Variants in ASNSD1 observed in about 807,000 individuals in gnomAD.
The protein encoded by ASNSD1 is asparagine synthetase domain-containing protein 1.
Under a neutral mutation model 48.3 loss-of-function variants are expected in ASNSD1, and 36 were observed. That is an observed-to-expected ratio of 0.75 (90% confidence interval 0.57 to 0.99). The LOEUF (loss-of-function observed/expected upper bound fraction) is 0.99. ASNSD1 is among the 50% of genes least tolerant of loss of function. The probability of loss-of-function intolerance (pLI) is 0.00; values close to 1 mark genes in which losing one functional copy is unlikely to be tolerated. For synonymous variants in ASNSD1, 257 were observed against 262.1 expected, an observed-to-expected ratio of 0.98 and a Z score of 0.19; for missense variants, 714 against 758.2, an observed-to-expected ratio of 0.94 and a Z score of 0.69.
Position 189,667,462 on chromosome 2 carries a change from C to G in ASNSD1, c.1330C>G (p.Arg444Gly). The G allele has an allele frequency of 6.2e-7, 1 of 1,614,080 alleles. No homozygotes were observed. Among genetic ancestry groups the G allele is most frequent in the Non-Finnish European group, 8.5e-7 (1 of 1,180,018 alleles). ...MEELQKLRRT[R>G]ICHLIRPLDT... ...AGAACTGCAGAAATTAAGAAGAACTCGAATATGTCACTTAATTCGGCCATT... is the reference window on the plus strand; with the variant it reads ...AGAACTGCAGAAATTAAGAAGAACTGGAATATGTCACTTAATTCGGCCATT... Residue 444 changes from arginine (R) to glycine (G), a missense_variant, in exon 4 of 6, where the codon CGA (arginine) becomes GGA (glycine). Transcript: ENST00000260952.
chr2:189,662,189 ATTG>A, intron 1 of ASNSD1, among the ~76,000 whole-genome samples: 1 of 152,360 alleles, frequency 6.6e-6, no homozygotes, highest in South Asian at 2.1e-4. Flanking sequence ...TAAAACACGC[ATTG>A]GGTTGTCACT....
chr2:189,665,435 GCTGTCTGAGAGCAAGAGTAAGTTTTT>G lies in ASNSD1; in HGVS notation c.-108_-93+10del. ...TCTTTCTTGCAGACCGAACAGAAATGCTGTCTGAGAGCAAGAGTAAGTTTTTTCTTTTTTGGGGTTTTTGGGGGGTG... is the reference window on the plus strand; with the variant it reads ...TCTTTCTTGCAGACCGAACAGAAATGTCTTTTTTGGGGTTTTTGGGGGGTG... On this transcript the variant is annotated splice_donor_variant and splice_donor_5th_base_variant and 5_prime_UTR_variant and intron_variant, in exon 3 of 6. Transcript: ENST00000260952. LOFTEE classifies it low-confidence loss of function (5UTR_SPLICE). 2.5e-6 allele frequency: 1 copy of G among 397,606 alleles called. No individual in the cohort carries two copies. Among genetic ancestry groups the G allele is most frequent in the Non-Finnish European group, 4.4e-6 (1 of 225,560 alleles). 24.6% of individuals were successfully genotyped at this position (397,606 alleles called of 1,614,324 possible).
At position 189,667,801 on chromosome 2, in the gene ASNSD1, C is replaced by G. The variant is rs931095252; in HGVS notation, c.1502C>G (p.Ala501Gly). Residue 501 changes from alanine to glycine, a missense_variant, in exon 5 of 6, where the codon GCA becomes GGA. Ala to Gly is a moderately conservative substitution (Grantham distance 60). Transcript: ENST00000260952. ...LTGIGADEQL[A>G]GYSRHRVRFQ... ...GGAATTGGTGCAGATGAGCAACTTG[C>G]AGGTTATTCTCGTCATCGTGTCCGC... The G allele has an allele frequency of 1.2e-6, 2 of 1,613,602 alleles. No homozygotes were observed. Among genetic ancestry groups the G allele is most frequent in the African/African-American group, 1.3e-5 (1 of 74,982 alleles).
At position 189,661,510 on chromosome 2, in the gene ASNSD1, G is replaced by C; in HGVS notation, c.-323G>C. 2.5e-6 allele frequency: 1 copy of C among 399,210 alleles called. No homozygotes were observed. Among genetic ancestry groups the C allele is most frequent in the African/African-American group, 2.1e-5 (1 of 48,760 alleles). The allele number at this position is 399,210 out of a possible 1,614,324, so 24.7% of individuals were successfully genotyped here. A position where few individuals can be genotyped will look rare whatever the true frequency, so the allele number is the denominator to read the frequency against. ...GGCTGAGCCATCCCGCGTGTCTTGCGCTCGGTGGAAATGCCCAGCCGAGGG... is the reference window on the plus strand; with the variant it reads ...GGCTGAGCCATCCCGCGTGTCTTGCCCTCGGTGGAAATGCCCAGCCGAGGG... On this transcript the variant is annotated 5_prime_UTR_variant, in exon 1 of 6. Coordinates refer to ENST00000260952, the MANE Select transcript of ASNSD1 (RefSeq NM_019048.4).
chr2:189,667,707 A>G, intron 4 of ASNSD1, 57 bp from the exon 5 acceptor site: 3 of 1,546,554 alleles, frequency 1.9e-6, no homozygotes, highest in Non-Finnish European at 1.7e-6. Context: ...CATTTATCTT[A>G]TTTTCTTTAC....
In ASNSD1 at chr2:189,670,437, T is replaced by G; in HGVS notation, c.1647-4T>G. 4 of 1,603,310 alleles carry G rather than the reference T, an allele frequency of 2.5e-6. No individual in the cohort carries two copies. The highest frequency in any genetic ancestry group is 3.4e-6 in the Non-Finnish European group (4 of 1,172,212). ...ATAGTGGTTATATTATCTGTCTATT[T>G]TAGATTTCCTTTCCTGGATGAAAAT... On this transcript the variant is annotated splice_region_variant and splice_polypyrimidine_tract_variant and intron_variant, in intron 5 of 5. Transcript: ENST00000260952.
rs2032905544 is a variant in ASNSD1, at chr2:189,670,625, G to T, written c.1831G>T (p.Ala611Ser). The T allele has an allele frequency of 1.2e-6, 2 of 1,613,678 alleles. No homozygotes were observed. Among genetic ancestry groups the T allele is most frequent in the Non-Finnish European group, 1.7e-6 (2 of 1,179,822 alleles). Residue 611 changes from alanine to serine, a missense_variant, in exon 6 of 6, where the codon GCA (alanine) becomes TCA (serine). By Grantham distance (99) the Ala-to-Ser change is moderately conservative. Coordinates refer to ENST00000260952, the MANE Select transcript of ASNSD1 (RefSeq NM_019048.4). ...GGCCATGCAGTTTGGATCAAGAATT[G>T]CAAAAATGGAAAAAATTAATGAAAA... Reference protein sequence around the residue: ...KRAMQFGSRIAKMEKINEKAS... With the variant: ...KRAMQFGSRISKMEKINEKAS...
At chr2:189,662,686 T>C (rs1298995574) in intron 1 of ASNSD1, among the ~76,000 whole-genome samples, 1 of 152,176 alleles carries the variant, frequency 6.6e-6, no homozygotes, top group African/African-American at 2.4e-5. Flanking sequence ...TGATAAAAGC[T>C]GCTTTTAGAG....
At chr2:189,670,312 T>TGTA (rs2032898924) in intron 5 of ASNSD1, 129 bp from the exon 6 acceptor site, 1 of 634,844 alleles carries the variant, frequency 1.6e-6, no homozygotes, top group Non-Finnish European at 2.6e-6. Context: ...TAGACTATTT[T>TGTA]GTAGTATATG....
In ASNSD1 at chr2:189,667,759, C is replaced by T; in HGVS notation, c.1465-5C>T. On this transcript the variant is annotated splice_polypyrimidine_tract_variant and splice_region_variant and intron_variant, in intron 4 of 5. Transcript: ENST00000260952. ...TTTTTATACGGATTTCTTTAAACCT[C>T]ATAGGTAGTTCTCACTGGAATTGGT... 1.9e-6 allele frequency: 3 copies of T among 1,604,254 alleles called. No individual in the cohort carries two copies. The highest frequency in any genetic ancestry group is 2.5e-6 in the Non-Finnish European group (3 of 1,177,058).
chr2:189,663,841 A>AT, intron 1 of ASNSD1, 60 bp from the exon 2 acceptor site: 1 of 372,600 alleles, frequency 2.7e-6, no homozygotes, highest in South Asian at 1.3e-4. Flanking sequence ...CCCTTAAGGG[A>AT]TTTTCATTGA....
At chr2:189,661,824 G>C (rs1041201358) in intron 1 of ASNSD1, among the ~76,000 whole-genome samples, 1 of 152,176 alleles carries the variant, frequency 6.6e-6, no homozygotes, top group African/African-American at 2.4e-5. Context: ...TTTGTCCCGA[G>C]ACTGGACCCA....
rs2037238521 is a variant in ASNSD1, at chr2:189,667,381, C to T, written c.1249C>T (p.Gln417Ter). ...AGGAAGGGCGGGACTAAAGGAACTACAAGCTGTTAGCCCTTCCCGAATTTG... is the reference window on the plus strand; with the variant it reads ...AGGAAGGGCGGGACTAAAGGAACTATAAGCTGTTAGCCCTTCCCGAATTTG... ...ITGRAGLKEL[Q>*]AVSPSRIWNF... Residue 417 changes from glutamine (Q) to a stop codon, truncating the protein, a stop_gained, in exon 4 of 6, where the codon CAA becomes TAA. Coordinates refer to ENST00000260952, the MANE Select transcript of ASNSD1 (RefSeq NM_019048.4). LOFTEE classifies it high-confidence loss of function. The T allele has an allele frequency of 6.2e-6, 10 of 1,614,056 alleles. No homozygotes were observed. The highest frequency in any genetic ancestry group is 8.5e-6 in the Non-Finnish European group (10 of 1,180,030).
Position 189,666,612 on chromosome 2 carries a change from C to T in ASNSD1, c.480C>T (p.Gly160=), listed in dbSNP as rs1366167745. Residue 160 remains glycine, a synonymous_variant, in exon 4 of 6, where the codon GGC becomes GGT. Coordinates refer to ENST00000260952, the MANE Select transcript of ASNSD1 (RefSeq NM_019048.4). ...AGAGTTTCTGCCTCTCTTCAGTTGG[C>T]ACCCAAACATCTGGATTGGCAAATC... ...LGKSFCLSSV[G]TQTSGLANQW... is the part of the protein sequence containing the mutation. The T allele has an allele frequency of 3.1e-6, 5 of 1,613,970 alleles. No individual in the cohort carries two copies. Among genetic ancestry groups the T allele is most frequent in the Non-Finnish European group, 4.2e-6 (5 of 1,180,022 alleles).
At chr2:189,663,077 G>A (rs1312317084) in intron 1 of ASNSD1, among the ~76,000 whole-genome samples, 1 of 151,672 alleles carries the variant, frequency 6.6e-6, no homozygotes, top group Non-Finnish European at 1.5e-5. Flanking sequence ...GGCATTGCTT[G>A]ATTTGAATGT....
chr2:189,664,401 G>T (rs2032740417), intron 2 of ASNSD1, among the ~76,000 whole-genome samples: 1 of 152,192 alleles, frequency 6.6e-6, no homozygotes, highest in Non-Finnish European at 1.5e-5. Context: ...GTGTAACATG[G>T]TTATTTAATG....
At chr2:189,663,551 C>T (rs1301210612) in intron 1 of ASNSD1, among the ~76,000 whole-genome samples, 1 of 152,206 alleles carries the variant, frequency 6.6e-6, no homozygotes, top group Non-Finnish European at 1.5e-5. Context: ...CCGCACCCGG[C>T]CTGGTGTATA....
Position 189,670,739 on chromosome 2 carries a change from TG to T in ASNSD1, c.*14del. 1.3e-6 allele frequency: 2 copies of T among 1,482,040 alleles called. No individual in the cohort carries two copies. The highest frequency in any genetic ancestry group is 2.9e-5 in the South Asian group (2 of 69,152). The allele number at this position is 1,482,040 out of a possible 1,614,324, so 91.8% of individuals were successfully genotyped here. ...GACTAAATTGTAATGTGATTCACAATGTAACAATATAAAAATAAGTTTTTAT... is the reference window on the plus strand; with the variant it reads ...GACTAAATTGTAATGTGATTCACAATTAACAATATAAAAATAAGTTTTTAT... On this transcript the variant is annotated 3_prime_UTR_variant, in exon 6 of 6. Coordinates refer to ENST00000260952, the MANE Select transcript of ASNSD1 (RefSeq NM_019048.4).
chr2:189,666,454 A>T lies in ASNSD1; in HGVS notation c.322A>T (p.Ile108Phe). The stretch of plus-strand genomic sequence containing the variant: ...TTCCTCCTGTAAGAATGAATCTGAG[A>T]TTTTGTCACTCTTCTCAGAAGTACA... ...YLSSCKNESEILSLFSEVQGP... is the reference protein window; with the variant it reads ...YLSSCKNESEFLSLFSEVQGP... The change falls in exon 4 of 6, where the codon ATT becomes TTT. Residue 108 changes from isoleucine (I) to phenylalanine (F), a missense_variant. Coordinates refer to ENST00000260952, the MANE Select transcript of ASNSD1 (RefSeq NM_019048.4). 6.2e-7 allele frequency: 1 copy of T among 1,613,800 alleles called. No individual in the cohort carries two copies.
Sources: gnomAD v4.1 joint callset for allele counts (sites outside exome capture counted in the v4.1 genomes callset) on GRCh38, gnomAD v4.1.1 for gene constraint, MANE v1.5 for transcripts, NCBI Gene and HGNC (gene_info 2026-07-23, HGNC 2026-07-21) for gene names.